NR2C2: variants seen among roughly 807,000 people sequenced by gnomAD.
NR2C2 encodes the protein Nuclear hormone receptor TR4.
In NR2C2, 6 loss-of-function variants were observed where a neutral mutation model predicts 62.9. That is an observed-to-expected ratio of 0.10 (90% confidence interval 0.05 to 0.19). The LOEUF is 0.19. NR2C2 is among the 10% of genes least tolerant of loss of function. The probability of loss-of-function intolerance (pLI) is 1.00; values close to 1 mark genes in which losing one functional copy is unlikely to be tolerated. For synonymous variants in NR2C2, 272 were observed against 273.8 expected (o/e 0.99, Z 0.07); for missense variants, 479 against 762.7 (o/e 0.63, Z 4.38).
At chr3:14,963,345 T>C (rs2039742171) in intron 1 of NR2C2, among the ~76,000 whole-genome samples, 1 of 152,160 alleles carries the variant, frequency 6.6e-6, no homozygotes, top group Non-Finnish European at 1.5e-5. Flanking sequence ...AATAAGTAAT[T>C]AGCCAAAGGC....
intron 7 of NR2C2, chr3:15,026,190 T>C (rs1386786371): frequency 6.6e-6 from 1 of 152,070 alleles, no homozygotes; most frequent in Non-Finnish European, 1.5e-5. Context: ...GGCTAATTTT[T>C]CGTATTTTTT....
chr3:15,000,449 G>A (rs79600590), intron 1 of NR2C2, among the ~76,000 whole-genome samples: 5,527 of 152,174 alleles, frequency 0.036, 358 homozygotes, highest in African/African-American at 0.12. Flanking sequence ...ATGTAACTTG[G>A]CTATTGCAAA....
intron 2 of NR2C2, among the ~76,000 whole-genome samples, chr3:15,005,669 T>C (rs2041153539): frequency 6.6e-6 from 1 of 152,038 alleles, no homozygotes; most frequent in Non-Finnish European, 1.5e-5. Context: ...TAGTTGGGAC[T>C]ACAAATGTGC....
chr3:14,963,590 T>C (rs2039750286), intron 1 of NR2C2, among the ~76,000 whole-genome samples: 1 of 151,854 alleles, frequency 6.6e-6, no homozygotes, highest in Admixed American at 6.6e-5. Flanking sequence ...TGCCTCAGCC[T>C]CCCGAGTAGC....
At position 15,020,941 on chromosome 3, in the gene NR2C2, C is replaced by G. The variant is rs781089119; in HGVS notation, c.556+9C>G. 1 of 1,612,092 alleles carries G rather than the reference C, an allele frequency of 6.2e-7. No individual in the cohort carries two copies. The highest frequency in any genetic ancestry group is 8.5e-7 in the Non-Finnish European group (1 of 1,178,492). On this transcript the variant is annotated intron_variant, in intron 5 of 13. Coordinates refer to ENST00000425241, the MANE Select transcript of NR2C2 (RefSeq NM_001291694.2). ...GGGCATGAAAATGGAATGTGAGTAACAATATTTAAAAACCACATGAGTTAA... is the reference window on the plus strand; with the variant it reads ...GGGCATGAAAATGGAATGTGAGTAAGAATATTTAAAAACCACATGAGTTAA...
intron 1 of NR2C2, among the ~76,000 whole-genome samples, chr3:14,950,773 C>T (rs536103752): frequency 1.3e-5 from 2 of 152,262 alleles, no homozygotes; most frequent in South Asian, 4.2e-4. Context: ...TAGAAGAGTG[C>T]CTGGCACTAT....
At position 15,039,104 on chromosome 3, in the gene NR2C2, G is replaced by GGGT. The variant is rs1559311585; in HGVS notation, c.1511-18_1511-17insGGT. 6.4e-7 allele frequency: 1 copy of GGGT among 1,572,852 alleles called. No homozygotes were observed. The highest frequency in any genetic ancestry group is 8.7e-7 in the Non-Finnish European group (1 of 1,144,796). On this transcript the variant is annotated splice_polypyrimidine_tract_variant and intron_variant, in intron 12 of 13. Transcript: ENST00000425241. Reference sequence around the variant, plus strand: ...CAAATACAGAGGGAACTGGGGGGGGGTACTTTTCTGTTTTCAGATCATCCA... The same window carrying GGGT: ...CAAATACAGAGGGAACTGGGGGGGGGGGTTACTTTTCTGTTTTCAGATCATCCA...
intron 1 of NR2C2, among the ~76,000 whole-genome samples, chr3:14,952,307 G>A (rs943450818): frequency 2.0e-5 from 3 of 152,206 alleles, no homozygotes; most frequent in East Asian, 3.9e-4. Context: ...GTCTTCAGCC[G>A]TGGCACTGAG....
chr3:14,951,445 GAT>G (rs945518651), intron 1 of NR2C2, among the ~76,000 whole-genome samples: 4 of 151,950 alleles, frequency 2.6e-5, no homozygotes, highest in African/African-American at 9.7e-5. Context: ...TTTAAAATAA[GAT>G]ATTGTTATGG....
chr3:15,007,370 G>A (rs182605170), intron 2 of NR2C2, among the ~76,000 whole-genome samples: 5 of 151,670 alleles, frequency 3.3e-5, no homozygotes, highest in African/African-American at 7.3e-5. Flanking sequence ...CTTATGATCC[G>A]CCTGCCTCGG....
chr3:15,010,981 C>T (rs989330450), intron 2 of NR2C2, among the ~76,000 whole-genome samples: 1 of 152,088 alleles, frequency 6.6e-6, no homozygotes, highest in Admixed American at 6.6e-5. Context: ...ATTGAAGACC[C>T]CTCTCAATCA....
intron 2 of NR2C2, 37 bp from the exon 3 acceptor site, chr3:15,013,550 GAC>G: frequency 6.3e-7 from 1 of 1,590,330 alleles, no homozygotes; most frequent in Non-Finnish European, 8.6e-7. Context: ...TGGGTCTTGT[GAC>G]ACTCCATGAG....
At chr3:14,991,882 G>A (rs779458140) in intron 1 of NR2C2, among the ~76,000 whole-genome samples, 11 of 148,922 alleles carry the variant, frequency 7.4e-5, no homozygotes, top group Non-Finnish European at 1.6e-4. Context: ...TGCTCCTTCC[G>A]CCTCAGCCTC....
At chr3:15,041,944 T>C (rs1461849850) in intron 13 of NR2C2, among the ~76,000 whole-genome samples, 2 of 152,250 alleles carry the variant, frequency 1.3e-5, no homozygotes, top group African/African-American at 4.8e-5. Context: ...TGTATTGTAA[T>C]TGGGATCATA....
chr3:15,022,828 G>C (rs2041714591), intron 5 of NR2C2, among the ~76,000 whole-genome samples: 2 of 152,204 alleles, frequency 1.3e-5, no homozygotes, highest in South Asian at 2.1e-4. Flanking sequence ...GATGAGTCCA[G>C]ACTGGGCAAC....
At chr3:14,997,456 A>T (rs1312838637) in intron 1 of NR2C2, among the ~76,000 whole-genome samples, 1 of 152,242 alleles carries the variant, frequency 6.6e-6, no homozygotes, top group African/African-American at 2.4e-5. Context: ...TTATTAAAGG[A>T]TGCAATGAAT....
At chr3:14,993,515 CATAATT>C (rs1452804796) in intron 1 of NR2C2, among the ~76,000 whole-genome samples, 2 of 151,928 alleles carry the variant, frequency 1.3e-5, no homozygotes, top group Non-Finnish European at 2.9e-5. Flanking sequence ...GATGTCTATT[CATAATT>C]ATCAGACTGT....
intron 7 of NR2C2, chr3:15,026,061 C>G (rs1170571609): frequency 6.6e-6 from 1 of 152,174 alleles, no homozygotes; most frequent in Admixed American, 6.6e-5. Context: ...CTCTGTTGCC[C>G]AGGCTGGAGT....
At chr3:15,007,266 T>A (rs1344532639) in intron 2 of NR2C2, among the ~76,000 whole-genome samples, 1 of 151,894 alleles carries the variant, frequency 6.6e-6, no homozygotes, top group African/African-American at 2.4e-5. Flanking sequence ...TAGCTGGGAA[T>A]ACAGGTGCTC....
Sources: allele counts gnomAD v4.1 joint callset (sites outside exome capture counted in the v4.1 genomes callset), GRCh38; gene constraint gnomAD v4.1.1; transcripts MANE v1.5; gene names NCBI Gene and HGNC (gene_info 2026-07-23, HGNC 2026-07-21).